GRM7: variants seen among roughly 807,000 people sequenced by gnomAD.
GRM7 encodes the protein metabotropic glutamate receptor 7.
In GRM7, 35 loss-of-function variants were observed where a neutral mutation model predicts 84.5. The ratio of observed to expected loss-of-function variants is 0.41; its 90% CI spans 0.32 to 0.55. GRM7 has a LOEUF of 0.55. GRM7 is among the 20% of genes least tolerant of loss of function. The probability of loss-of-function intolerance (pLI) is 0.19; values close to 1 mark genes in which losing one functional copy is unlikely to be tolerated. For synonymous variants in GRM7, 487 were observed against 455.1 expected (o/e 1.07, Z -0.89); for missense variants, 1,003 against 1,194.6 (o/e 0.84, Z 2.36).
chr3:7,264,798 T>C (rs368263886), intron 2 of GRM7, among the ~76,000 whole-genome samples: 5,152 of 20,350 alleles, frequency 0.25, 299 homozygotes, highest in African/African-American at 0.44. Context: ...AGTACTGCGG[T>C]ACTTCCAGTA....
chr3:6,922,742 G>A (rs1450149958), intron 1 of GRM7, among the ~76,000 whole-genome samples: 2 of 152,184 alleles, frequency 1.3e-5, no homozygotes, highest in African/African-American at 4.8e-5. Flanking sequence ...TAATTCATCT[G>A]AAAAGAAGCT....
At chr3:7,623,976 A>T (rs1697487568) in intron 8 of GRM7, among the ~76,000 whole-genome samples, 1 of 152,102 alleles carries the variant, frequency 6.6e-6, no homozygotes, top group African/African-American at 2.4e-5. Flanking sequence ...GAGCCTGTTG[A>T]CTTTTCAAAG....
At chr3:7,333,541 C>A (rs1701292595) in intron 4 of GRM7, among the ~76,000 whole-genome samples, 1 of 152,142 alleles carries the variant, frequency 6.6e-6, no homozygotes, top group Non-Finnish European at 1.5e-5. Flanking sequence ...AAAAGTAATT[C>A]TGGTAATATG....
At chr3:7,590,437 GAC>G (rs78365293) in intron 8 of GRM7, among the ~76,000 whole-genome samples, 24,769 of 152,048 alleles carry the variant, frequency 0.16, 2,250 homozygotes, top group Middle Eastern at 0.27. Flanking sequence ...TTGCTACAAA[GAC>G]AGAGTTGAAT....
chr3:7,556,581 CA>C (rs1693771147), intron 7 of GRM7, among the ~76,000 whole-genome samples: 1 of 152,050 alleles, frequency 6.6e-6, no homozygotes, highest in Admixed American at 6.6e-5. Context: ...TGTTTGGTGC[CA>C]GGCATTGTAC....
At chr3:7,296,406 G>T (rs934432708) in intron 2 of GRM7, among the ~76,000 whole-genome samples, 2 of 151,958 alleles carry the variant, frequency 1.3e-5, no homozygotes, top group Non-Finnish European at 2.9e-5. Context: ...CTCATAAAAT[G>T]AGTTATGTTC....
At chr3:7,254,109 T>C (rs1477825051) in intron 2 of GRM7, among the ~76,000 whole-genome samples, 3 of 152,210 alleles carry the variant, frequency 2.0e-5, no homozygotes, top group Non-Finnish European at 4.4e-5. Flanking sequence ...TTGGGCACTC[T>C]TGTTTCACAG....
chr3:6,939,707 T>A (rs1320567054), intron 1 of GRM7, among the ~76,000 whole-genome samples: 1 of 152,160 alleles, frequency 6.6e-6, no homozygotes, highest in African/African-American at 2.4e-5. Flanking sequence ...TCAAATCCCA[T>A]CATTATCCTG....
intron 1 of GRM7, among the ~76,000 whole-genome samples, chr3:6,931,911 G>T (rs1243474523): frequency 6.6e-6 from 1 of 152,152 alleles, no homozygotes; most frequent in African/African-American, 2.4e-5. Flanking sequence ...TCATATTCTA[G>T]TGAAGAAGAA....
chr3:7,634,479 C>CAAAA (rs869045574), intron 8 of GRM7, among the ~76,000 whole-genome samples: 2,752 of 26,364 alleles, frequency 0.1, 84 homozygotes, highest in African/African-American at 0.15. Context: ...ACTTTTTTTC[C>CAAAA]AAAAAAAAAA....
At chr3:7,205,712 G>C (rs1430826330) in intron 2 of GRM7, among the ~76,000 whole-genome samples, 1 of 152,182 alleles carries the variant, frequency 6.6e-6, no homozygotes, top group East Asian at 1.9e-4. Context: ...GGGAAGCAGG[G>C]AAGGTAACAC....
intron 1 of GRM7, among the ~76,000 whole-genome samples, chr3:6,992,997 C>T (rs923105639): frequency 3.3e-5 from 5 of 152,142 alleles, no homozygotes; most frequent in Non-Finnish European, 5.9e-5. Flanking sequence ...TAACCAAGAC[C>T]GGATAATTTA....
At chr3:6,966,628 T>G (rs190210939) in intron 1 of GRM7, among the ~76,000 whole-genome samples, 13 of 152,360 alleles carry the variant, frequency 8.5e-5, no homozygotes, top group African/African-American at 3.1e-4. Context: ...GAAAGGCCTA[T>G]GTTTAATGTA....
intron 6 of GRM7, among the ~76,000 whole-genome samples, chr3:7,455,911 A>G (rs932276934): frequency 1.2e-4 from 18 of 151,704 alleles, no homozygotes; most frequent in Non-Finnish European, 2.4e-4. Context: ...AAAACGCACA[A>G]CATTGTATCA....
intron 7 of GRM7, among the ~76,000 whole-genome samples, chr3:7,568,301 G>A (rs1694422807): frequency 1.3e-5 from 2 of 152,224 alleles, no homozygotes; most frequent in Non-Finnish European, 2.9e-5. Flanking sequence ...AGACATACCT[G>A]CACTGGGCAA....
intron 1 of GRM7, among the ~76,000 whole-genome samples, chr3:7,105,450 G>T (rs1342863000): frequency 1.3e-5 from 2 of 151,868 alleles, no homozygotes; most frequent in South Asian, 2.1e-4. Flanking sequence ...TGTTTAAGCA[G>T]TGTTAGATCT....
intron 1 of GRM7, among the ~76,000 whole-genome samples, chr3:7,045,750 T>A (rs1390517605): frequency 6.6e-6 from 1 of 152,206 alleles, no homozygotes; most frequent in Non-Finnish European, 1.5e-5. Context: ...TTCCATTATT[T>A]GTGTATGTCA....
intron 1 of GRM7, among the ~76,000 whole-genome samples, chr3:7,103,764 T>TTC (rs374304006): frequency 0.27 from 27,867 of 101,708 alleles, 5,253 homozygotes; most frequent in African/African-American, 0.55. Context: ...CTTTCTTTCT[T>TTC]TCTTTCTTTC....
chr3:7,095,553 T>A (rs534906766), intron 1 of GRM7, among the ~76,000 whole-genome samples: 14 of 152,330 alleles, frequency 9.2e-5, no homozygotes, highest in Non-Finnish European at 1.9e-4. Flanking sequence ...AGGACCACAT[T>A]CTTTCCCAAT....
Sources: gnomAD v4.1 joint callset for allele counts (sites outside exome capture counted in the v4.1 genomes callset) on GRCh38, gnomAD v4.1.1 for gene constraint, MANE v1.5 for transcripts, NCBI Gene and HGNC (gene_info 2026-07-23, HGNC 2026-07-21) for gene names.